DCPS: variants seen among roughly 807,000 people sequenced by gnomAD.
DCPS encodes m7GpppX diphosphatase.
Under a neutral mutation model 34.7 loss-of-function variants are expected in DCPS, and 27 were observed. The ratio of observed to expected loss-of-function variants is 0.78; its 90% CI spans 0.57 to 1.07. The LOEUF (loss-of-function observed/expected upper bound fraction) is 1.07, where lower values mean the gene tolerates loss of function less well. DCPS is among the 50% of genes least tolerant of loss of function. DCPS has a pLI of 0.00. For synonymous variants in DCPS, 185 were observed against 185.7 expected (o/e 1.00, Z 0.03); for missense variants, 464 against 436.9 (o/e 1.06, Z -0.55).
At position 126,334,413 on chromosome 11, in the gene DCPS, G is replaced by A. The variant is rs1374675272; in HGVS notation, c.522+2863G>A. On this transcript the variant is annotated intron_variant, in intron 3 of 5. Coordinates refer to ENST00000263579, the MANE Select transcript of DCPS (RefSeq NM_014026.6). This position sits in a 1 kb window ranked among gnomAD's most constrained non-coding sequence, Gnocchi z 5.5. ...AGCTGGAGTGCAATGGTGTGATCTC[G>A]GCTCACTGCAACCTTCTCCTGCCAG... is the stretch of plus-strand genomic sequence containing the variant. 6.6e-6 allele frequency among the ~76,000 whole-genome samples: 1 copy of A among 151,016 alleles called. No homozygotes were observed. The highest frequency in any genetic ancestry group is 2.4e-5 in the African/African-American group (1 of 40,930).
In DCPS at chr11:126,319,987, A is replaced by G. The variant is rs1951691997; in HGVS notation, c.377-11418A>G. On this transcript the variant is annotated intron_variant, in intron 2 of 5. Transcript: ENST00000263579. This position sits in a 1 kb window ranked among gnomAD's most constrained non-coding sequence, Gnocchi z 4.5. ...CAGGATTGATCTCTCTTAACATCTC[A>G]GAGTATGTCCTTTCAGATTTTTTTT... 1.4e-5 allele frequency among the ~76,000 whole-genome samples: 2 copies of G among 144,144 alleles called. No individual in the cohort carries two copies. Among genetic ancestry groups the G allele is most frequent in the Admixed American group, 7.4e-5 (1 of 13,448 alleles). The allele number at this position is 144,144 out of a possible 152,430, so 94.6% of individuals were successfully genotyped here. A position where few individuals can be genotyped will look rare whatever the true frequency, so the allele number is the denominator to read the frequency against.
In DCPS at chr11:126,344,941, C is replaced by T. The variant is rs761972917; in HGVS notation, c.748-406C>T. Among the ~76,000 whole-genome samples the T allele has an allele frequency of 1.3e-5, 2 of 152,212 alleles. No homozygotes were observed. Among genetic ancestry groups the T allele is most frequent in the Non-Finnish European group, 2.9e-5 (2 of 68,034 alleles). ...CTAAAAGAGAGAATGAGGCTTCCTC[C>T]CATCCACTTCATGACTGATGAAATG... On this transcript the variant is annotated intron_variant, in intron 5 of 5. Transcript: ENST00000263579. The surrounding 1 kb of genome is among the most constrained non-coding windows in gnomAD (Gnocchi z 8.1).
rs1431257124 is a variant in DCPS, at chr11:126,338,098, C to T, written c.523-188C>T. On this transcript the variant is annotated intron_variant, in intron 3 of 5. Transcript: ENST00000263579. This position sits in a 1 kb window ranked among gnomAD's most constrained non-coding sequence, Gnocchi z 5.4. ...AGCTGGAGTGGGAAGGGGGAAGTCC[C>T]TTCTGGACCCCTAAGAACAGATGCT... The T allele has an allele frequency of 1.2e-4, 73 of 600,006 alleles. 1 individual carries two copies. The South Asian group carries it at 1.4e-3, about 12-fold the overall frequency. The allele number at this position is 600,006 out of a possible 1,614,324, so 37.2% of individuals were successfully genotyped here. A position where few individuals can be genotyped will look rare whatever the true frequency, so the allele number is the denominator to read the frequency against.
At position 126,319,523 on chromosome 11, in the gene DCPS, G is replaced by A. The variant is rs1347720969; in HGVS notation, c.377-11882G>A. Among the ~76,000 whole-genome samples the A allele has an allele frequency of 6.6e-6, 1 of 152,030 alleles. No individual in the cohort carries two copies. The highest frequency in any genetic ancestry group is 2.4e-5 in the African/African-American group (1 of 41,380). On this transcript the variant is annotated intron_variant, in intron 2 of 5. Coordinates refer to ENST00000263579, the MANE Select transcript of DCPS (RefSeq NM_014026.6). The surrounding 1 kb of genome is among the most constrained non-coding windows in gnomAD (Gnocchi z 4.5). ...AGGGGAGTGGACTCTCCTTCCCTGA[G>A]CTCCCCAGGAAGCATCTTGGAGGGC... is the stretch of plus-strand genomic sequence containing the variant.
rs913879395 is a variant in DCPS at position 126,348,654 on chromosome 11, C to G, written c.*3041C>G. ...CTTCATATCAGACTCCCAGGTAACTCAAGATGATAGCTTTGCAATATAGTG... is the reference window on the plus strand; with the variant it reads ...CTTCATATCAGACTCCCAGGTAACTGAAGATGATAGCTTTGCAATATAGTG... On this transcript the variant is annotated 3_prime_UTR_variant, in exon 6 of 6. Transcript: ENST00000263579. This position sits in a 1 kb window ranked among gnomAD's most constrained non-coding sequence, Gnocchi z 5.3. Among the ~76,000 whole-genome samples the G allele has an allele frequency of 1.6e-4, 24 of 152,348 alleles. No individual in the cohort carries two copies. The highest frequency in any genetic ancestry group is 4.1e-4 in the South Asian group (2 of 4,832).
chr11:126,307,104 C>G (rs1283569770), intron 2 of DCPS, among the ~76,000 whole-genome samples: 1 of 151,854 alleles, frequency 6.6e-6, no homozygotes, highest in Non-Finnish European at 1.5e-5. Flanking sequence ...CCACGGCGGG[C>G]AGATCACCTG....
rs1951923987 is a variant in DCPS at position 126,345,981 on chromosome 11, A to T, written c.*368A>T. ...GCCTCTCCTGTTTGTACAACTTCTTATTCTGCTCCTCCCCATCACCCCTCC... is the reference window on the plus strand; with the variant it reads ...GCCTCTCCTGTTTGTACAACTTCTTTTTCTGCTCCTCCCCATCACCCCTCC... On this transcript the variant is annotated 3_prime_UTR_variant, in exon 6 of 6. Coordinates refer to ENST00000263579, the MANE Select transcript of DCPS (RefSeq NM_014026.6). This position sits in a 1 kb window ranked among gnomAD's most constrained non-coding sequence, Gnocchi z 7.4. Among the ~76,000 whole-genome samples, 1 of 151,926 alleles carries T rather than the reference A, an allele frequency of 6.6e-6. No homozygotes were observed. Among genetic ancestry groups the T allele is most frequent in the African/African-American group, 2.4e-5 (1 of 41,344 alleles).
chr11:126,314,178 A>G (rs1204394097), intron 2 of DCPS, among the ~76,000 whole-genome samples: 1 of 152,220 alleles, frequency 6.6e-6, no homozygotes, highest in African/African-American at 2.4e-5. Flanking sequence ...GCTCCCACGT[A>G]TAAGTAAGAA....
rs1951918756 is a variant in DCPS, at chr11:126,345,633, C to G, written c.*20C>G. The stretch of plus-strand genomic sequence containing the variant: ...AGCTGAATTAACTCAGGCAGAAGAG[C>G]ACAGATGTGTGGGATTGGGGGAGGA... On this transcript the variant is annotated 3_prime_UTR_variant, in exon 6 of 6. Transcript: ENST00000263579. The surrounding 1 kb of genome is among the most constrained non-coding windows in gnomAD (Gnocchi z 7.4). The G allele has an allele frequency of 4.4e-6, 7 of 1,603,850 alleles. No individual in the cohort carries two copies. In the East Asian group the frequency reaches 1.6e-4, roughly 36 times the overall value.
intron 4 of DCPS, among the ~76,000 whole-genome samples, chr11:126,339,385 C>A (rs997414137): frequency 6.6e-6 from 1 of 152,236 alleles, no homozygotes; most frequent in Admixed American, 6.5e-5. Flanking sequence ...TGAGCCTCGT[C>A]TGCCCCTCCG....
rs750231841 is a variant in DCPS, at chr11:126,345,564, G to C, written c.965G>C (p.Arg322Thr). 1.2e-6 allele frequency: 2 copies of C among 1,613,834 alleles called. No homozygotes were observed. The highest frequency in any genetic ancestry group is 3.3e-5 in the Admixed American group (2 of 60,028). Reference sequence around the variant, plus strand: ...CAGCGCACGCTCACCTTCGCCCTCAGGGCTGACGACCCCCTGCTCAAGCTC... The same window carrying C: ...CAGCGCACGCTCACCTTCGCCCTCACGGCTGACGACCCCCTGCTCAAGCTC... ...YQQRTLTFAL[R>T]ADDPLLKLLQ... The change falls in exon 6 of 6, where the codon AGG becomes ACG. Residue 322 changes from arginine to threonine, a missense_variant. Transcript: ENST00000263579. This position sits in a 1 kb window ranked among gnomAD's most constrained non-coding sequence, Gnocchi z 7.4.
intron 2 of DCPS, among the ~76,000 whole-genome samples, chr11:126,309,360 G>T (rs1951601987): frequency 1.3e-5 from 2 of 152,124 alleles, no homozygotes. Flanking sequence ...ATCCACTGGG[G>T]ATTGGTTCCA....
At chr11:126,311,669 A>G (rs1487951861) in intron 2 of DCPS, among the ~76,000 whole-genome samples, 1 of 152,192 alleles carries the variant, frequency 6.6e-6, no homozygotes. Context: ...AAGAACAGAA[A>G]TGAGGCTGTT....
intron 2 of DCPS, among the ~76,000 whole-genome samples, chr11:126,307,640 C>G (rs1481380922): frequency 6.6e-6 from 1 of 152,066 alleles, no homozygotes; most frequent in African/African-American, 2.4e-5. Flanking sequence ...AACTCCTGAC[C>G]TCGTGATCCA....
In DCPS at chr11:126,333,171, G is replaced by A. The variant is rs1028917596; in HGVS notation, c.522+1621G>A. On this transcript the variant is annotated intron_variant, in intron 3 of 5. Transcript: ENST00000263579. This position sits in a 1 kb window ranked among gnomAD's most constrained non-coding sequence, Gnocchi z 5.7. ...TATATTCCTTATTATATACCATTAT[G>A]CAGTTCCATTCGGAGAAGAGCACAA... is the stretch of plus-strand genomic sequence containing the variant. Among the ~76,000 whole-genome samples, 1 of 152,188 alleles carries A rather than the reference G, an allele frequency of 6.6e-6. No homozygotes were observed. The highest frequency in any genetic ancestry group is 1.5e-5 in the Non-Finnish European group (1 of 68,042).
rs1232131965 is a variant in DCPS, at chr11:126,313,801, T to C, written c.376+7057T>C. ...TCTTGGATTGTGTGTTCTGAGCATA[T>C]GTATTCTTTTTATTTTACTTAGGTT... On this transcript the variant is annotated intron_variant, in intron 2 of 5. Transcript: ENST00000263579. This position sits in a 1 kb window ranked among gnomAD's most constrained non-coding sequence, Gnocchi z 4.9. Among the ~76,000 whole-genome samples the C allele has an allele frequency of 1.3e-5, 2 of 152,228 alleles. No homozygotes were observed. The highest frequency in any genetic ancestry group is 6.5e-5 in the Admixed American group (1 of 15,288).
chr11:126,304,541 A>G (rs998612848), intron 1 of DCPS, among the ~76,000 whole-genome samples: 1 of 152,118 alleles, frequency 6.6e-6, no homozygotes, highest in Non-Finnish European at 1.5e-5. Context: ...TGCATTGCAG[A>G]TTAAAGATCA....
At chr11:126,324,629 C>CT (rs58091804) in intron 2 of DCPS, among the ~76,000 whole-genome samples, 2,174 of 99,892 alleles carry the variant, frequency 0.022, 176 homozygotes, top group African/African-American at 0.042. Flanking sequence ...ATTTTTCTGC[C>CT]TTTTTTTTTT....
chr11:126,315,417 G>T lies in DCPS; in HGVS notation c.376+8673G>T, dbSNP rs548697709. On this transcript the variant is annotated intron_variant, in intron 2 of 5. Transcript: ENST00000263579. The surrounding 1 kb of genome is among the most constrained non-coding windows in gnomAD (Gnocchi z 6.1). Reference sequence around the variant, plus strand: ...TCTACTAAAAATACAAAAATTAGATGGGTGTGGTGGTATGTGCCTGTAGTT... The same window carrying T: ...TCTACTAAAAATACAAAAATTAGATTGGTGTGGTGGTATGTGCCTGTAGTT... Among the ~76,000 whole-genome samples the T allele has an allele frequency of 1.1e-4, 16 of 151,994 alleles. No homozygotes were observed. Among genetic ancestry groups the T allele is most frequent in the African/African-American group, 3.6e-4 (15 of 41,364 alleles).
Sources: gnomAD v4.1 joint callset for allele counts (sites outside exome capture counted in the v4.1 genomes callset) on GRCh38, gnomAD v4.1.1 for gene constraint, Gnocchi (gnomAD v3.1) non-coding constraint, MANE v1.5 for transcripts, NCBI Gene and HGNC (gene_info 2026-07-23, HGNC 2026-07-21) for gene names.